Variants in R3HDM2 observed in about 807,000 individuals in gnomAD.
R3HDM2 encodes R3H domain-containing protein 2.
R3HDM2 carries 38 observed loss-of-function variants against 124.5 expected under a neutral mutation model. That is an observed-to-expected ratio of 0.31 (90% CI 0.24 to 0.40). The LOEUF (loss-of-function observed/expected upper bound fraction) is 0.40. Among genes scored for constraint, R3HDM2 ranks in the 10% least tolerant of loss-of-function variants. R3HDM2 has a pLI of 1.00. For synonymous variants in R3HDM2, 391 were observed against 448.0 expected, an observed-to-expected ratio of 0.87 and a Z score of 1.61; for missense variants, 869 against 1,236.9, an observed-to-expected ratio of 0.70 and a Z score of 4.46.
chr12:57,379,105 A>C lies in R3HDM2; in HGVS notation c.-36+16644T>G, dbSNP rs976534657. ...GGGAATTATTGTTTTATGAGTACAA[A>C]ATTTCTCAGTTTTACAAAATGAAAA... On this transcript the variant is annotated intron_variant, in intron 2 of 23. Coordinates refer to ENST00000402412, the MANE Select transcript of R3HDM2 (RefSeq NM_001394031.1). Among the ~76,000 whole-genome samples the C allele has an allele frequency of 1.3e-4, 20 of 152,284 alleles. No individual in the cohort carries two copies. The Middle Eastern group carries it at 0.01, about 78-fold the overall frequency.
chr12:57,263,191 T>C (rs892757606), intron 19 of R3HDM2, among the ~76,000 whole-genome samples: 19 of 152,242 alleles, frequency 1.2e-4, no homozygotes, highest in East Asian at 5.8e-4. Context: ...AGTGACCCAA[T>C]AGATATAAGG....
At chr12:57,340,145 G>A (rs975484378) in intron 2 of R3HDM2, among the ~76,000 whole-genome samples, 10 of 152,072 alleles carry the variant, frequency 6.6e-5, no homozygotes, top group African/African-American at 2.2e-4. Flanking sequence ...AAAGACTTTA[G>A]GTCTATCTTA....
At chr12:57,275,951 C>T (rs532543648) in intron 14 of R3HDM2, among the ~76,000 whole-genome samples, 1 of 152,318 alleles carries the variant, frequency 6.6e-6, no homozygotes, top group Non-Finnish European at 1.5e-5. Flanking sequence ...GGCGCAGTGG[C>T]TCATGCCTGT....
At chr12:57,349,754 G>A (rs2060489016) in intron 2 of R3HDM2, among the ~76,000 whole-genome samples, 2 of 151,872 alleles carry the variant, frequency 1.3e-5, no homozygotes, top group Admixed American at 6.6e-5. Flanking sequence ...TAGAGACGGG[G>A]TTTCACCATG....
At chr12:57,316,119 T>C (rs2139264852) in intron 2 of R3HDM2, among the ~76,000 whole-genome samples, 1 of 152,350 alleles carries the variant, frequency 6.6e-6, no homozygotes, top group East Asian at 1.9e-4. Flanking sequence ...TCAGTCATTC[T>C]ACTGAGACCA....
chr12:57,393,138 C>G (rs1594400505), intron 2 of R3HDM2, among the ~76,000 whole-genome samples: 1 of 150,204 alleles, frequency 6.7e-6, no homozygotes, highest in Non-Finnish European at 1.5e-5. Flanking sequence ...GAGTCTCGCT[C>G]TGTCGCCCAG....
In R3HDM2 at chr12:57,298,149, C is replaced by T. The variant is rs372649868; in HGVS notation, c.441G>A (p.Thr147=). ...MLSRDSSQEY[T]DSTGIDLHEF... ...CATGTAGGTCTATTCCAGTGGAGTC[C>T]GTATATTCCTGGCTGGAGTCTAGAA... The change falls in exon 7 of 24, where the codon ACG becomes ACA. Residue 147 remains threonine, a synonymous_variant. Coordinates refer to ENST00000402412, the MANE Select transcript of R3HDM2 (RefSeq NM_001394031.1). The T allele has an allele frequency of 1.9e-4, 297 of 1,550,716 alleles. No individual in the cohort carries two copies. Among genetic ancestry groups the T allele is most frequent in the Non-Finnish European group, 2.4e-4 (277 of 1,146,592 alleles).
chr12:57,312,984 T>C (rs1241641388), intron 2 of R3HDM2, among the ~76,000 whole-genome samples: 1 of 150,268 alleles, frequency 6.7e-6, no homozygotes, highest in Non-Finnish European at 1.5e-5. Context: ...TGAGAAATAT[T>C]AGAAGAAACT....
chr12:57,417,393 A>G (rs2069739026), intron 1 of R3HDM2, among the ~76,000 whole-genome samples: 1 of 152,018 alleles, frequency 6.6e-6, no homozygotes, highest in Non-Finnish European at 1.5e-5. Context: ...TCAAAAAAAA[A>G]AAAAAAAGAG....
intron 2 of R3HDM2, among the ~76,000 whole-genome samples, chr12:57,379,118 T>C (rs929878217): frequency 5.9e-5 from 9 of 152,206 alleles, no homozygotes; most frequent in African/African-American, 2.2e-4. Flanking sequence ...TTCTCAGTTT[T>C]ACAAAATGAA....
intron 2 of R3HDM2, among the ~76,000 whole-genome samples, chr12:57,354,173 T>G (rs1376561018): frequency 2.7e-5 from 4 of 150,640 alleles, no homozygotes; most frequent in Non-Finnish European, 5.9e-5. Context: ...CTGGTCTAAT[T>G]TTTTTTTTTA....
chr12:57,383,789 G>A (rs2065266670), intron 2 of R3HDM2, among the ~76,000 whole-genome samples: 1 of 152,124 alleles, frequency 6.6e-6, no homozygotes, highest in Admixed American at 6.6e-5. Context: ...AGAATGAACA[G>A]AATAAGAAGG....
rs767156237 is a variant in R3HDM2 at position 57,256,408 on chromosome 12, C to T, written c.2547+6G>A. 7.0e-6 allele frequency: 11 copies of T among 1,566,452 alleles called. No homozygotes were observed. The highest frequency in any genetic ancestry group is 1.4e-5 in the African/African-American group (1 of 73,572). On this transcript the variant is annotated splice_donor_region_variant and intron_variant, in intron 22 of 23. Coordinates refer to ENST00000402412, the MANE Select transcript of R3HDM2 (RefSeq NM_001394031.1). ...TGGCCCTACAGTTGCTGGTGGACAC[C>T]CTTACCTGGTGCACCGTGTAAGTTG...
At chr12:57,256,537 CT>C in intron 21 of R3HDM2, 26 bp from the exon 22 acceptor site, 1 of 1,505,940 alleles carries the variant, frequency 6.6e-7, no homozygotes, top group Non-Finnish European at 9.0e-7. Flanking sequence ...AATTGGTTTT[CT>C]GGGAGCTTAA....
intron 1 of R3HDM2, among the ~76,000 whole-genome samples, chr12:57,412,311 G>GT (rs980821596): frequency 6.6e-6 from 1 of 151,836 alleles, no homozygotes; most frequent in Admixed American, 6.6e-5. Flanking sequence ...GGAGGCCAAG[G>GT]GGGGCGAATC....
chr12:57,408,374 T>C (rs189749021), intron 1 of R3HDM2, among the ~76,000 whole-genome samples: 18 of 152,312 alleles, frequency 1.2e-4, no homozygotes, highest in Admixed American at 1.1e-3. Flanking sequence ...CAATTCCTTA[T>C]TTTTTTAGAT....
chr12:57,368,516 A>G (rs998183579), intron 2 of R3HDM2, among the ~76,000 whole-genome samples: 3 of 152,178 alleles, frequency 2.0e-5, no homozygotes, highest in African/African-American at 4.8e-5. Context: ...CATACTATCA[A>G]CTCAACCTCA....
At position 57,258,157 on chromosome 12, in the gene R3HDM2, A is replaced by G; in HGVS notation, c.2302-20T>C. The G allele has an allele frequency of 1.3e-6, 2 of 1,502,026 alleles. No homozygotes were observed. The highest frequency in any genetic ancestry group is 1.8e-6 in the Non-Finnish European group (2 of 1,115,110). The allele number at this position is 1,502,026 out of a possible 1,614,324, so 93.0% of individuals were successfully genotyped here. ...GTTGGCCTGTGGAAAAGAGGAGCACACGTCACATAAACATCAAACATTACC... is the reference window on the plus strand; with the variant it reads ...GTTGGCCTGTGGAAAAGAGGAGCACGCGTCACATAAACATCAAACATTACC... On this transcript the variant is annotated intron_variant, in intron 20 of 23. Coordinates refer to ENST00000402412, the MANE Select transcript of R3HDM2 (RefSeq NM_001394031.1).
At chr12:57,358,567 C>T (rs1344785570) in intron 2 of R3HDM2, among the ~76,000 whole-genome samples, 1 of 151,534 alleles carries the variant, frequency 6.6e-6, no homozygotes, top group Non-Finnish European at 1.5e-5. Context: ...TCAGTTGAAC[C>T]CAGAAGGTGG....
Sources: gnomAD v4.1 joint callset for allele counts (sites outside exome capture counted in the v4.1 genomes callset) on GRCh38, gnomAD v4.1.1 for gene constraint, MANE v1.5 for transcripts, NCBI Gene and HGNC (gene_info 2026-07-23, HGNC 2026-07-21) for gene names.